Variants in RAB38 observed in about 807,000 individuals in gnomAD.
RAB38 encodes the protein RAB38, member RAS oncogene family.
A neutral mutation model predicts 18.4 loss-of-function variants in RAB38; 15 were observed. The observed-to-expected ratio is 0.82, with a 90% CI of 0.55 to 1.26. RAB38 has a LOEUF of 1.26. Ranked by LOEUF, RAB38 falls within the 50% of genes most tolerant of loss-of-function variation. The probability of loss-of-function intolerance (pLI) is 0.00; values close to 1 mark genes in which losing one functional copy is unlikely to be tolerated. For missense variants in RAB38, 294 were observed against 267.4 expected (o/e 1.10, Z -0.69); for synonymous variants, 101 against 104.4 (o/e 0.97, Z 0.20).
chr11:87,901,541 A>C, the RAB38 span, among the ~76,000 whole-genome samples: 1 of 151,596 alleles, frequency 6.6e-6, no homozygotes, highest in Non-Finnish European at 1.5e-5. Flanking sequence ...AGGCACATGG[A>C]AGCATATTTC....
the RAB38 span, among the ~76,000 whole-genome samples, chr11:87,816,687 C>T: frequency 2.0e-5 from 3 of 151,804 alleles, no homozygotes; most frequent in East Asian, 3.9e-4. Flanking sequence ...TATATACATA[C>T]GTGTGTGTGT....
chr11:88,145,379 C>T (rs919642088), intron 2 of RAB38, among the ~76,000 whole-genome samples: 10 of 152,082 alleles, frequency 6.6e-5, no homozygotes, highest in African/African-American at 2.2e-4. Flanking sequence ...GAACTCCTGA[C>T]TTCGTGATCC....
the RAB38 span, among the ~76,000 whole-genome samples, chr11:87,916,297 A>G: frequency 6.6e-6 from 1 of 152,040 alleles, no homozygotes. Flanking sequence ...CCCAATGTGA[A>G]GGTGTTGAGA....
chr11:88,063,364 A>T, the RAB38 span, among the ~76,000 whole-genome samples: 1 of 152,100 alleles, frequency 6.6e-6, no homozygotes, highest in African/African-American at 2.4e-5. Flanking sequence ...CCACAAATAG[A>T]AAGTTGTTTC....
At chr11:88,166,895 G>A (rs929532062) in intron 1 of RAB38, 4 of 152,120 alleles carry the variant, frequency 2.6e-5, no homozygotes, top group African/African-American at 9.7e-5. Flanking sequence ...TTGAAGAAAT[G>A]TTTAGATCAA....
the RAB38 span, among the ~76,000 whole-genome samples, chr11:87,938,067 T>C: frequency 6.6e-6 from 1 of 152,130 alleles, no homozygotes; most frequent in East Asian, 1.9e-4. Context: ...CTGGGACTTA[T>C]TTAAACCTTC....
At chr11:88,053,720 C>T in the RAB38 span, among the ~76,000 whole-genome samples, 1 of 151,234 alleles carries the variant, frequency 6.6e-6, no homozygotes, top group East Asian at 1.9e-4. Context: ...CCTTGATACG[C>T]AGTGACTTGC....
chr11:88,173,597 T>C (rs1235143984), intron 1 of RAB38: 1 of 985,310 alleles, frequency 1.0e-6, no homozygotes, highest in African/African-American at 1.7e-5. Context: ...AAGTCCAAAT[T>C]ACAGCTACAT....
chr11:87,836,004 A>G, the RAB38 span, among the ~76,000 whole-genome samples: 1 of 152,210 alleles, frequency 6.6e-6, no homozygotes, highest in African/African-American at 2.4e-5. Flanking sequence ...CTTTTAACCT[A>G]TACTTTTTCT....
At chr11:88,104,758 AAAC>A in the RAB38 span, among the ~76,000 whole-genome samples, 1 of 152,142 alleles carries the variant, frequency 6.6e-6, no homozygotes, top group Non-Finnish European at 1.5e-5. Flanking sequence ...GTCTCTCCAT[AAAC>A]TCACTGTAAT....
chr11:88,153,401 C>T (rs1943086757), intron 1 of RAB38, among the ~76,000 whole-genome samples: 2 of 152,138 alleles, frequency 1.3e-5, no homozygotes, highest in South Asian at 2.1e-4. Flanking sequence ...CTTCTAACTC[C>T]CTCCTCACTC....
chr11:88,125,035 C>T (rs900232075), intron 2 of RAB38, among the ~76,000 whole-genome samples: 2 of 152,170 alleles, frequency 1.3e-5, no homozygotes, highest in Non-Finnish European at 2.9e-5. Flanking sequence ...GTGACTGTAA[C>T]ATTTTACCCC....
At chr11:87,885,839 T>C in the RAB38 span, among the ~76,000 whole-genome samples, 2 of 152,016 alleles carry the variant, frequency 1.3e-5, no homozygotes, top group Non-Finnish European at 2.9e-5. Flanking sequence ...CAATTACTTA[T>C]ATCAATCAAA....
the RAB38 span, among the ~76,000 whole-genome samples, chr11:87,812,530 T>C: frequency 6.6e-6 from 1 of 152,256 alleles, no homozygotes; most frequent in Non-Finnish European, 1.5e-5. Context: ...CTGAATATTA[T>C]GAAGAGTCTT....
At chr11:87,857,520 C>T in the RAB38 span, among the ~76,000 whole-genome samples, 1 of 152,210 alleles carries the variant, frequency 6.6e-6, no homozygotes, top group African/African-American at 2.4e-5. Context: ...TCCTCTCTAG[C>T]ACCTGTTGTT....
the RAB38 span, among the ~76,000 whole-genome samples, chr11:88,019,299 T>C: frequency 9.2e-5 from 14 of 152,146 alleles, no homozygotes; most frequent in African/African-American, 3.1e-4. Context: ...CTTAGAGTCA[T>C]CTATGACTTT....
the RAB38 span, among the ~76,000 whole-genome samples, chr11:87,806,528 G>T: frequency 2.6e-5 from 4 of 152,070 alleles, no homozygotes; most frequent in Admixed American, 2.0e-4. Flanking sequence ...TATGAATTTT[G>T]GGGGCCTACA....
chr11:88,104,136 G>C, the RAB38 span, among the ~76,000 whole-genome samples: 3 of 152,072 alleles, frequency 2.0e-5, no homozygotes, highest in African/African-American at 7.2e-5. Context: ...TGGGAAGTTG[G>C]GGAGGATCTG....
chr11:88,052,084 T>C, the RAB38 span, among the ~76,000 whole-genome samples: 1 of 152,014 alleles, frequency 6.6e-6, no homozygotes, highest in East Asian at 1.9e-4. Context: ...GATTGCACCA[T>C]TGCACCCCAG....
Sources: allele counts gnomAD v4.1 joint callset (sites outside exome capture counted in the v4.1 genomes callset), GRCh38; gene constraint gnomAD v4.1.1; transcripts MANE v1.5; gene names NCBI Gene and HGNC (gene_info 2026-07-23, HGNC 2026-07-21).